Variants in NME8 observed in about 807,000 individuals in gnomAD.
NME8 encodes the protein protein NME8.
Under a neutral mutation model 82.3 loss-of-function variants are expected in NME8, and 72 were observed. The ratio of observed to expected loss-of-function variants is 0.87; its 90% CI spans 0.72 to 1.06. The LOEUF (loss-of-function observed/expected upper bound fraction) is 1.06. Ranked by LOEUF, NME8 falls within the 50% of genes least tolerant of loss-of-function variation. The pLI is 0.00. For synonymous variants in NME8, 267 were observed against 228.5 expected (o/e 1.17, Z -1.52); for missense variants, 712 against 685.4 (o/e 1.04, Z -0.43).
At chr7:37,858,058 TAAATATA>T (rs1784539092) in intron 6 of NME8, among the ~76,000 whole-genome samples, 1 of 151,950 alleles carries the variant, frequency 6.6e-6, no homozygotes, top group African/African-American at 2.4e-5. Flanking sequence ...AATAATAAAA[TAAATATA>T]AAATATAAAT....
chr7:37,858,693 G>A (rs1784550374), intron 6 of NME8, among the ~76,000 whole-genome samples: 2 of 152,120 alleles, frequency 1.3e-5, no homozygotes, highest in South Asian at 4.1e-4. Flanking sequence ...AGGTGCATGG[G>A]AATGAGAGAA....
chr7:37,867,563 CA>C (rs1784705680), intron 10 of NME8, 138 bp from the exon 11 acceptor site: 1 of 704,836 alleles, frequency 1.4e-6, no homozygotes, highest in Non-Finnish European at 2.6e-6. Context: ...GTATTGTTAA[CA>C]GGAGATTTAT....
chr7:37,882,602 AGAGAGAG>A (rs1562838260), intron 12 of NME8, among the ~76,000 whole-genome samples: 9,050 of 91,560 alleles, frequency 0.099, 616 homozygotes, highest in Non-Finnish European at 0.14. Context: ...AAAGAAAGAG[AGAGAGAG>A]AGAGAGAAAG....
At chr7:37,898,935 A>G (rs1238485362) in intron 17 of NME8, among the ~76,000 whole-genome samples, 4 of 152,208 alleles carry the variant, frequency 2.6e-5, no homozygotes, top group Non-Finnish European at 5.9e-5. Flanking sequence ...AGGAAGAATG[A>G]TTTCTCAGAC....
chr7:37,881,228 T>C (rs1466518574), intron 12 of NME8, among the ~76,000 whole-genome samples: 3 of 151,806 alleles, frequency 2.0e-5, no homozygotes, highest in Non-Finnish European at 2.9e-5. Flanking sequence ...TAGCTTTGCT[T>C]TTTTTTCCGA....
chr7:37,897,298 C>T (rs76547746), intron 17 of NME8, among the ~76,000 whole-genome samples, 191 bp downstream of exon 17: 1,620 of 152,034 alleles, frequency 0.011, 25 homozygotes, highest in African/African-American at 0.038. Flanking sequence ...TGCTGATGAC[C>T]GTGGGGATTC....
chr7:37,853,800 G>A (rs1213661527), intron 5 of NME8, among the ~76,000 whole-genome samples: 6 of 151,986 alleles, frequency 3.9e-5, no homozygotes, highest in South Asian at 2.1e-4. Context: ...ATTGCCCTGA[G>A]CTGAATGGTC....
At chr7:37,888,639 CTCTG>C (rs1485825581) in intron 15 of NME8, among the ~76,000 whole-genome samples, 2 of 152,102 alleles carry the variant, frequency 1.3e-5, no homozygotes, top group African/African-American at 4.8e-5. Flanking sequence ...CCTCATCCTT[CTCTG>C]TCTTTCTCTT....
intron 12 of NME8, among the ~76,000 whole-genome samples, chr7:37,883,212 G>T (rs949090352): frequency 6.6e-6 from 1 of 152,080 alleles, no homozygotes; most frequent in Admixed American, 6.6e-5. Context: ...AACATTATAT[G>T]GCAATTGCTT....
At chr7:37,885,512 G>C (rs1190471452) in intron 14 of NME8, among the ~76,000 whole-genome samples, 1 of 152,148 alleles carries the variant, frequency 6.6e-6, no homozygotes, top group Admixed American at 6.5e-5. Flanking sequence ...CAGTCAACAG[G>C]TCATCTCTTG....
intron 5 of NME8, among the ~76,000 whole-genome samples, chr7:37,852,485 C>T (rs1562827493): frequency 6.6e-6 from 1 of 152,082 alleles, no homozygotes; most frequent in Non-Finnish European, 1.5e-5. Context: ...CCAGCAAAAT[C>T]CTCTGTAATC....
rs1018921088 is a variant in NME8 at position 37,857,134 on chromosome 7, A to G, written c.199-140A>G. 152 of 660,196 alleles carry G rather than the reference A, an allele frequency of 2.3e-4. 1 individual carries two copies. The highest frequency in any genetic ancestry group is 3.9e-4 in the Non-Finnish European group (148 of 382,390). 40.9% of individuals were successfully genotyped at this position (660,196 alleles called of 1,614,324 possible). A position where few individuals can be genotyped will look rare whatever the true frequency, so the allele number is the denominator to read the frequency against. On this transcript the variant is annotated intron_variant, in intron 5 of 17. Transcript: ENST00000199447. ...TTGAATCGCCAGTATGTGCAGTTTG[A>G]TCCCTAAAACCACTAAGGCATACCG...
At position 37,850,693 on chromosome 7, in the gene NME8, G is replaced by A; in HGVS notation, c.156G>A (p.Leu52=). 1 of 1,613,712 alleles carries A rather than the reference G, an allele frequency of 6.2e-7. No homozygotes were observed. The highest frequency in any genetic ancestry group is 8.5e-7 in the Non-Finnish European group (1 of 1,179,680). The change falls in exon 5 of 18, where the codon TTG becomes TTA. Residue 52 remains leucine, a synonymous_variant. Coordinates refer to ENST00000199447, the MANE Select transcript of NME8 (RefSeq NM_016616.5). ...CAATGCAACCTTTATTCAGAAAATT[G>A]AAAAATGAACTGAACGAAGACGAAA... is the stretch of plus-strand genomic sequence containing the variant. ...CRAMQPLFRK[L]KNELNEDEIL... is the part of the protein sequence containing the mutation.
chr7:37,849,956 G>T (rs1784414546), intron 2 of NME8, among the ~76,000 whole-genome samples: 1 of 150,940 alleles, frequency 6.6e-6, no homozygotes, highest in Admixed American at 6.6e-5. Context: ...AATCTAAATT[G>T]TACATTTTAA....
At position 37,850,759 on chromosome 7, in the gene NME8, C is replaced by A; in HGVS notation, c.198+24C>A. On this transcript the variant is annotated intron_variant, in intron 5 of 17. Transcript: ENST00000199447. ...TCGTAAGAATTTTGTTTTCATTAAA[C>A]CACTGTTTTCACATTATATTAAGTT... is the stretch of plus-strand genomic sequence containing the variant. 3.5e-6 allele frequency: 5 copies of A among 1,441,228 alleles called. No individual in the cohort carries two copies. The South Asian group carries it at 5.7e-5, about 16-fold the overall frequency. The allele number at this position is 1,441,228 out of a possible 1,614,324, so 89.3% of individuals were successfully genotyped here. A position where few individuals can be genotyped will look rare whatever the true frequency, so the allele number is the denominator to read the frequency against.
At chr7:37,855,803 A>C (rs1241599990) in intron 5 of NME8, among the ~76,000 whole-genome samples, 1 of 152,160 alleles carries the variant, frequency 6.6e-6, no homozygotes, top group African/African-American at 2.4e-5. Context: ...GTCTATAGGC[A>C]TGCCTTTCTT....
intron 2 of NME8, among the ~76,000 whole-genome samples, chr7:37,849,868 T>TAA (rs1562826444): frequency 9.0e-6 from 1 of 111,576 alleles, no homozygotes; most frequent in Non-Finnish European, 1.7e-5. Flanking sequence ...AGACTATGTC[T>TAA]CAAAAAAAAA....
rs555604503 is a variant in NME8, at chr7:37,852,994, A to T, written c.198+2259A>T. Among the ~76,000 whole-genome samples the T allele has an allele frequency of 2.8e-4, 42 of 152,328 alleles. 1 individual carries two copies. Among genetic ancestry groups the T allele is most frequent in the Admixed American group, 2.4e-3 (37 of 15,286 alleles). On this transcript the variant is annotated intron_variant, in intron 5 of 17. Transcript: ENST00000199447. ...TCTGTTGGTCCACATTCTCACCAGC[A>T]TCTGTTCTCTGGATTTTGGTCATCC...
intron 5 of NME8, among the ~76,000 whole-genome samples, chr7:37,855,345 T>C (rs950091231): frequency 6.6e-6 from 1 of 152,206 alleles, no homozygotes; most frequent in African/African-American, 2.4e-5. Flanking sequence ...TGGTGTTATC[T>C]TTTCCTTTCA....
Sources: gnomAD v4.1 joint callset for allele counts (sites outside exome capture counted in the v4.1 genomes callset) on GRCh38, gnomAD v4.1.1 for gene constraint, MANE v1.5 for transcripts, NCBI Gene and HGNC (gene_info 2026-07-23, HGNC 2026-07-21) for gene names.